RHOBTB1: variants seen among roughly 807,000 people sequenced by gnomAD.
The protein encoded by RHOBTB1 is rho-related BTB domain-containing protein 1.
RHOBTB1 carries 40 observed loss-of-function variants against 71.6 expected under a neutral mutation model. That is an observed-to-expected ratio of 0.56 (90% confidence interval 0.43 to 0.73). RHOBTB1 has a LOEUF of 0.73. RHOBTB1 is among the 30% of genes least tolerant of loss of function. The pLI is 0.00. For missense variants in RHOBTB1, 797 were observed against 894.0 expected (o/e 0.89, Z 1.38); for synonymous variants, 319 against 334.9 (o/e 0.95, Z 0.52).
chr10:60,893,778 T>C (rs1277069371), intron 4 of RHOBTB1, among the ~76,000 whole-genome samples: 1 of 152,224 alleles, frequency 6.6e-6, no homozygotes, highest in Non-Finnish European at 1.5e-5. Context: ...CATTTTTACA[T>C]AATAACTTAC....
chr10:60,863,735 G>T, the RHOBTB1 span, among the ~76,000 whole-genome samples: 1 of 152,152 alleles, frequency 6.6e-6, no homozygotes, highest in Non-Finnish European at 1.5e-5. Context: ...GTTTCACCGT[G>T]TTGGCCAGGC....
chr10:60,947,591 T>G (rs544130050), upstream of RHOBTB1, among the ~76,000 whole-genome samples: 36 of 149,114 alleles, frequency 2.4e-4, no homozygotes, highest in Admixed American at 7.3e-4. Context: ...ACTTTTTTTG[T>G]TTGTTTGTTT....
intron 2 of RHOBTB1, among the ~76,000 whole-genome samples, chr10:60,932,595 C>T (rs1192662051): frequency 6.7e-6 from 1 of 150,278 alleles, no homozygotes; most frequent in Non-Finnish European, 1.5e-5. Flanking sequence ...GGGGGTGGGG[C>T]ACATCTAAGG....
At chr10:60,912,395 G>A (rs1313108634) in intron 2 of RHOBTB1, among the ~76,000 whole-genome samples, 2 of 151,904 alleles carry the variant, frequency 1.3e-5, no homozygotes, top group African/African-American at 2.4e-5. Context: ...CACCATGCCC[G>A]GCTAATTTTT....
chr10:60,926,191 C>T lies in RHOBTB1; in HGVS notation c.-10-14639G>A, dbSNP rs1015727586. On this transcript the variant is annotated intron_variant, in intron 2 of 10. Coordinates refer to ENST00000337910, the MANE Select transcript of RHOBTB1 (RefSeq NM_014836.5). Reference sequence around the variant, plus strand: ...GGCAAGGGTTGCAGTAAGCTGAGATCGCACAACTGCACTCCAGCCAGGGCA... The same window carrying T: ...GGCAAGGGTTGCAGTAAGCTGAGATTGCACAACTGCACTCCAGCCAGGGCA... Among the ~76,000 whole-genome samples the T allele has an allele frequency of 8.5e-5, 13 of 152,070 alleles. 1 individual carries two copies. In the East Asian group the frequency reaches 9.7e-4, roughly 11 times the overall value.
intron 4 of RHOBTB1, among the ~76,000 whole-genome samples, chr10:60,900,515 T>C (rs1309220216): frequency 6.6e-6 from 1 of 152,244 alleles, no homozygotes; most frequent in Non-Finnish European, 1.5e-5. Flanking sequence ...TAATGGTTTA[T>C]GTAGCTGTCT....
At chr10:60,935,671 C>T (rs983636905) in intron 2 of RHOBTB1, among the ~76,000 whole-genome samples, 3 of 151,770 alleles carry the variant, frequency 2.0e-5, no homozygotes, top group African/African-American at 4.8e-5. Context: ...ATTTTGCAGG[C>T]CCATTAGTGC....
chr10:60,923,322 TA>T (rs2133789755), intron 2 of RHOBTB1, among the ~76,000 whole-genome samples: 1 of 152,308 alleles, frequency 6.6e-6, no homozygotes, highest in South Asian at 2.1e-4. Context: ...CTTAACCATG[TA>T]AAAGAAGATA....
chr10:60,934,912 C>G (rs991019793), intron 2 of RHOBTB1, among the ~76,000 whole-genome samples: 1 of 152,122 alleles, frequency 6.6e-6, no homozygotes, highest in African/African-American at 2.4e-5. Context: ...ATGAAAGGAT[C>G]AACAGCCGTG....
intron 8 of RHOBTB1, chr10:60,877,052 T>C (rs938401581): frequency 6.6e-6 from 1 of 152,226 alleles, no homozygotes; most frequent in Admixed American, 6.5e-5. Flanking sequence ...CTAAACATTG[T>C]GATAAACACC....
At chr10:60,924,257 G>A (rs552262839) in intron 2 of RHOBTB1, among the ~76,000 whole-genome samples, 1 of 151,830 alleles carries the variant, frequency 6.6e-6, no homozygotes, top group African/African-American at 2.4e-5. Flanking sequence ...ATTTCACCAA[G>A]ACACTATTTG....
At chr10:60,942,575 T>C (rs1294836997) in intron 1 of RHOBTB1, among the ~76,000 whole-genome samples, 1 of 152,246 alleles carries the variant, frequency 6.6e-6, no homozygotes, top group Non-Finnish European at 1.5e-5. Flanking sequence ...TTTAATATAA[T>C]AATTTACTGC....
At chr10:60,882,597 A>T (rs1465686241) in intron 7 of RHOBTB1, among the ~76,000 whole-genome samples, 1 of 152,048 alleles carries the variant, frequency 6.6e-6, no homozygotes, top group African/African-American at 2.4e-5. Flanking sequence ...TTCTCCAAAA[A>T]AGGCTGATTT....
Position 60,964,760 on chromosome 10 carries a change from A to T in RHOBTB1, c.-62+21085T>A, listed in dbSNP as rs953187064. Among the ~76,000 whole-genome samples, 6 of 152,212 alleles carry T rather than the reference A, an allele frequency of 3.9e-5. No homozygotes were observed. The East Asian group carries it at 1.2e-3, about 29-fold the overall frequency. On this transcript the variant is annotated intron_variant, in intron 2 of 11. Transcript: ENST00000357917. ...GTTTGTATAGAGAAAAATATGCGAA[A>T]ATTTCCAAACTGTTACTTATTTCTG... is the stretch of plus-strand genomic sequence containing the variant.
intron 7 of RHOBTB1, among the ~76,000 whole-genome samples, chr10:60,881,883 T>A (rs940316412): frequency 6.6e-6 from 1 of 152,230 alleles, no homozygotes; most frequent in African/African-American, 2.4e-5. Flanking sequence ...TAATCACCTA[T>A]GACCTGCTAT....
chr10:60,969,899 A>G (rs1260272666), intron 2 of RHOBTB1, among the ~76,000 whole-genome samples: 2 of 152,162 alleles, frequency 1.3e-5, no homozygotes, highest in Admixed American at 6.6e-5. Context: ...CCCTTCCTCC[A>G]TTCTCAGGTG....
intron 2 of RHOBTB1, among the ~76,000 whole-genome samples, chr10:60,983,502 T>A (rs550603818): frequency 5.3e-5 from 8 of 152,348 alleles, no homozygotes; most frequent in African/African-American, 1.7e-4. Context: ...ATGCTTATCC[T>A]GATTTTAGGA....
At chr10:60,983,869 C>T (rs1005346265) in intron 2 of RHOBTB1, among the ~76,000 whole-genome samples, 1 of 152,200 alleles carries the variant, frequency 6.6e-6, no homozygotes, top group African/African-American at 2.4e-5. Flanking sequence ...CTACTTCTTC[C>T]ATCTCCTAAT....
At chr10:60,926,390 G>A (rs2083885665) in intron 2 of RHOBTB1, among the ~76,000 whole-genome samples, 2 of 152,134 alleles carry the variant, frequency 1.3e-5, no homozygotes, top group African/African-American at 4.8e-5. Flanking sequence ...TGAGACCAGT[G>A]TTATCCTGAT....
Sources: gnomAD v4.1 joint callset for allele counts (sites outside exome capture counted in the v4.1 genomes callset) on GRCh38, gnomAD v4.1.1 for gene constraint, MANE v1.5 for transcripts, NCBI Gene and HGNC (gene_info 2026-07-23, HGNC 2026-07-21) for gene names.